DYM: variants seen among roughly 807,000 people sequenced by gnomAD.
DYM encodes the protein dymeclin.
DYM carries 78 observed loss-of-function variants against 93.1 expected under a neutral mutation model. The observed-to-expected ratio is 0.84, with a 90% CI of 0.70 to 1.01. The LOEUF (loss-of-function observed/expected upper bound fraction) is 1.01, where lower values mean the gene tolerates loss of function less well. DYM is among the 50% of genes least tolerant of loss of function. The pLI, the probability that DYM is intolerant of heterozygous loss-of-function variation, is 0.00. For missense variants in DYM, 789 were observed against 845.0 expected (o/e 0.93, Z 0.82); for synonymous variants, 321 against 319.7 (o/e 1.00, Z -0.04).
At chr18:49,071,353 A>G (rs2076873541) in intron 17 of DYM, among the ~76,000 whole-genome samples, 1 of 152,234 alleles carries the variant, frequency 6.6e-6, no homozygotes. Context: ...ATGGAGAAAA[A>G]TAAGATAACC....
chr18:49,134,400 GA>G (rs1253865940), intron 15 of DYM, among the ~76,000 whole-genome samples: 1 of 152,126 alleles, frequency 6.6e-6, no homozygotes, highest in African/African-American at 2.4e-5. Flanking sequence ...AATTAAAATA[GA>G]AAAGCAATAG....
chr18:49,292,365 C>G (rs1483235228), intron 8 of DYM, among the ~76,000 whole-genome samples: 113 of 138,958 alleles, frequency 8.1e-4, no homozygotes, highest in African/African-American at 2.6e-3. Context: ...GACACACACA[C>G]ACACACACAC....
intron 13 of DYM, among the ~76,000 whole-genome samples, chr18:49,217,255 G>A (rs936619861): frequency 2.6e-5 from 4 of 152,224 alleles, no homozygotes; most frequent in Non-Finnish European, 5.9e-5. Context: ...GGGACTATGT[G>A]AAAAGACCAA....
chr18:49,229,479 T>G (rs1307941797), intron 13 of DYM, among the ~76,000 whole-genome samples: 1 of 152,100 alleles, frequency 6.6e-6, no homozygotes, highest in Non-Finnish European at 1.5e-5. Flanking sequence ...AATAGACATT[T>G]CACCAAAGAA....
chr18:49,337,578 AATCACAGCAGTGACAAGAGATTGAGAAC>A (rs1305083117), intron 6 of DYM, among the ~76,000 whole-genome samples: 2 of 152,234 alleles, frequency 1.3e-5, no homozygotes, highest in Non-Finnish European at 2.9e-5. Context: ...GAACATAGCC[AATCACAGCAGTGACAAGAGATTGAGAAC>A]ATCACAGCAG....
chr18:49,338,808 G>A (rs776327206), intron 6 of DYM, among the ~76,000 whole-genome samples: 4 of 152,186 alleles, frequency 2.6e-5, no homozygotes, highest in Non-Finnish European at 5.9e-5. Flanking sequence ...ATAGAAGGAA[G>A]AGTACAATAA....
chr18:49,049,313 CT>C (rs2072072127), intron 17 of DYM, among the ~76,000 whole-genome samples: 1 of 152,224 alleles, frequency 6.6e-6, no homozygotes. Context: ...TCAGTCCCAT[CT>C]TTTCCCATTC....
At chr18:49,339,635 C>T (rs2063940206) in intron 6 of DYM, among the ~76,000 whole-genome samples, 1 of 152,168 alleles carries the variant, frequency 6.6e-6, no homozygotes, top group African/African-American at 2.4e-5. Context: ...CAAGGCGTCC[C>T]CCAGCTGAGG....
At position 49,155,888 on chromosome 18, in the gene DYM, G is replaced by A. The variant is rs897262266; in HGVS notation, c.1728+7797C>T. Among the ~76,000 whole-genome samples the A allele has an allele frequency of 1.1e-4, 17 of 152,236 alleles. No homozygotes were observed. The East Asian group carries it at 3.3e-3, about 29-fold the overall frequency. On this transcript the variant is annotated intron_variant, in intron 15 of 17. Coordinates refer to ENST00000675505, the MANE Select transcript of DYM (RefSeq NM_001353214.3). ...GTTCTATGAACATGTGCATTTTCAG[G>A]TAGACATATGTTTTCAATTCATTTG...
At chr18:49,164,375 C>T (rs143262980) in intron 14 of DYM, among the ~76,000 whole-genome samples, 1 of 151,978 alleles carries the variant, frequency 6.6e-6, no homozygotes, top group East Asian at 1.9e-4. Context: ...TCAGATGTAA[C>T]ACAACATGTG....
intron 15 of DYM, among the ~76,000 whole-genome samples, chr18:49,159,875 A>C (rs982475350): frequency 6.6e-6 from 1 of 152,214 alleles, no homozygotes; most frequent in African/African-American, 2.4e-5. Context: ...CAGTAACAAT[A>C]TTCCTCATTG....
In DYM at chr18:49,040,075, G is replaced by A. The variant is rs1346281853; in HGVS notation, c.*3980C>T. The A allele has an allele frequency of 9.2e-5, 14 of 152,218 alleles. No homozygotes were observed. The highest frequency in any genetic ancestry group is 8.5e-4 in the Admixed American group (13 of 15,286). 9.4% of individuals were successfully genotyped at this position (152,218 alleles called of 1,614,324 possible). ...TCACCTCGGACCACATTCAGGTACT[G>A]AGGTGGTTTAGAAGTTGAACTGCAC... On this transcript the variant is annotated 3_prime_UTR_variant, in exon 18 of 18. Transcript: ENST00000675505.
At chr18:49,285,110 C>A (rs1356664644) in intron 9 of DYM, among the ~76,000 whole-genome samples, 1 of 152,186 alleles carries the variant, frequency 6.6e-6, no homozygotes, top group Non-Finnish European at 1.5e-5. Flanking sequence ...CCGGTGCCTG[C>A]ATCTTAGATT....
intron 13 of DYM, among the ~76,000 whole-genome samples, chr18:49,236,050 G>A (rs2093850768): frequency 6.6e-6 from 1 of 152,158 alleles, no homozygotes; most frequent in South Asian, 2.1e-4. Flanking sequence ...GTTCTGGAAT[G>A]TCCTATTCAC....
chr18:49,201,635 A>G (rs1400989734), intron 14 of DYM, among the ~76,000 whole-genome samples: 6 of 152,246 alleles, frequency 3.9e-5, no homozygotes, highest in Non-Finnish European at 5.9e-5. Context: ...AATACTGATT[A>G]ATATCACAGA....
chr18:49,413,357 G>C (rs140436593), intron 2 of DYM, among the ~76,000 whole-genome samples: 31 of 152,308 alleles, frequency 2.0e-4, no homozygotes, highest in Admixed American at 9.1e-4. Flanking sequence ...GGTGTCTACA[G>C]CAATGGGTCC....
At chr18:49,335,765 T>C (rs939655435) in intron 6 of DYM, among the ~76,000 whole-genome samples, 1 of 151,986 alleles carries the variant, frequency 6.6e-6, no homozygotes, top group South Asian at 2.1e-4. Context: ...CCTATTTAGA[T>C]AGGCAGATGG....
rs553190248 is a variant in DYM, at chr18:49,420,838, T to C, written c.140+9417A>G. ...TAATACTGCCCTTTTCCAACAATCT[T>C]AGCAAACGGCACATCAGGAGATTAT... On this transcript the variant is annotated intron_variant, in intron 2 of 17. Transcript: ENST00000675505. Among the ~76,000 whole-genome samples, 39 of 152,124 alleles carry C rather than the reference T, an allele frequency of 2.6e-4. No homozygotes were observed. The South Asian group carries it at 5.6e-3, about 22-fold the overall frequency.
At chr18:49,297,022 G>A in intron 8 of DYM, among the ~76,000 whole-genome samples, 1 of 152,126 alleles carries the variant, frequency 6.6e-6, no homozygotes, top group Non-Finnish European at 1.5e-5. Context: ...AGTACTTACT[G>A]AAGGATGTTT....
Sources: allele counts gnomAD v4.1 joint callset (sites outside exome capture counted in the v4.1 genomes callset), GRCh38; gene constraint gnomAD v4.1.1; transcripts MANE v1.5; gene names NCBI Gene and HGNC (gene_info 2026-07-23, HGNC 2026-07-21).